The following PIGN variants were observed in gnomAD, a reference collection of about 807,000 sequenced individuals.
PIGN encodes the protein phosphatidylinositol glycan anchor biosynthesis class N.
A neutral mutation model predicts 125.4 loss-of-function variants in PIGN; 117 were observed. The ratio of observed to expected loss-of-function variants is 0.93; its 90% CI spans 0.80 to 1.09. The LOEUF (loss-of-function observed/expected upper bound fraction) is 1.09. PIGN is among the 50% of genes least tolerant of loss of function. The pLI is 0.00. For synonymous variants in PIGN, 392 were observed against 377.8 expected (o/e 1.04, Z -0.44); for missense variants, 1,075 against 1,094.9 (o/e 0.98, Z 0.26).
In PIGN at chr18:62,114,606, TA is replaced by T; in HGVS notation, c.1205del (p.Leu402Ter). 1 of 1,524,138 alleles carries T rather than the reference TA, an allele frequency of 6.6e-7. No homozygotes were observed. The highest frequency in any genetic ancestry group is 8.9e-7 in the Non-Finnish European group (1 of 1,122,424). 94.4% of individuals were successfully genotyped at this position (1,524,138 alleles called of 1,614,324 possible). A position where few individuals can be genotyped will look rare whatever the true frequency, so the allele number is the denominator to read the frequency against. Reference sequence around the variant, plus strand: ...GTTTTATATAAGATCTTGCTTTTCTTAAAATGTTGAACTGTTTGGAATCAGA... The same window carrying T: ...GTTTTATATAAGATCTTGCTTTTCTTAAATGTTGAACTGTTTGGAATCAGA... ...LLSDSKQFNI[L>X]RKARSYIKHR... On this transcript the variant is annotated frameshift_variant, in exon 15 of 31. Transcript: ENST00000640252. LOFTEE classifies it high-confidence loss of function.
At position 62,071,863 on chromosome 18, in the gene PIGN, C is replaced by CATATATATATATATATATGT. The variant is rs2032872237; in HGVS notation, c.2672+809_2672+810insACATATATATATATATATAT. On this transcript the variant is annotated intron_variant, in intron 30 of 30. Transcript: ENST00000640252. The stretch of plus-strand genomic sequence containing the variant: ...CGTTTTTTAGACTGTACTCCTTTTC[C>CATATATATATATATATATGT]ATATATATATATATATATATATATA... Among the ~76,000 whole-genome samples, 49 of 77,604 alleles carry CATATATATATATATATATGT rather than the reference C, an allele frequency of 6.3e-4. 1 individual carries two copies. Among genetic ancestry groups the CATATATATATATATATATGT allele is most frequent in the African/African-American group, 2.1e-3 (46 of 21,904 alleles). 50.9% of individuals were successfully genotyped at this position (77,604 alleles called of 152,430 possible). A position where few individuals can be genotyped will look rare whatever the true frequency, so the allele number is the denominator to read the frequency against.
At chr18:62,110,431 C>T (rs913307352) in intron 16 of PIGN, among the ~76,000 whole-genome samples, 1 of 152,046 alleles carries the variant, frequency 6.6e-6, no homozygotes, top group African/African-American at 2.4e-5. Context: ...TCTCTATTGC[C>T]CACCCAATAG....
intron 23 of PIGN, among the ~76,000 whole-genome samples, chr18:62,025,060 G>A (rs1187154333): frequency 6.6e-6 from 1 of 152,096 alleles, no homozygotes; most frequent in Non-Finnish European, 1.5e-5. Context: ...GATTGGGAAT[G>A]GATAATAAAA....
At chr18:62,110,167 T>C in intron 16 of PIGN, 194 bp from the exon 17 acceptor site, 1 of 456,682 alleles carries the variant, frequency 2.2e-6, no homozygotes. Flanking sequence ...AGGAAAAACC[T>C]AGATAACCTG....
chr18:62,055,044 C>T (rs1031309161), intron 30 of PIGN, among the ~76,000 whole-genome samples: 2 of 152,162 alleles, frequency 1.3e-5, no homozygotes, highest in Admixed American at 6.5e-5. Flanking sequence ...ATTGACAGCA[C>T]CAAATGCTGG....
At position 62,138,303 on chromosome 18, in the gene PIGN, GA is replaced by G. The variant is rs1568218111; in HGVS notation, c.1117-6del. The G allele has an allele frequency of 3.3e-6, 5 of 1,536,132 alleles. No individual in the cohort carries two copies. The South Asian group carries it at 5.0e-5, about 15-fold the overall frequency. ...TTTCTTCTGAGTCATTTTCACCTGG[GA>G]ACCAAGTATGAAAATATTACAAATG... On this transcript the variant is annotated splice_polypyrimidine_tract_variant and splice_region_variant and intron_variant, in intron 13 of 30. Coordinates refer to ENST00000640252, the MANE Select transcript of PIGN (RefSeq NM_176787.5).
Position 62,062,015 on chromosome 18 carries a change from A to G in PIGN, c.2672+10658T>C, listed in dbSNP as rs1183128221. Among the ~76,000 whole-genome samples, 3 of 152,168 alleles carry G rather than the reference A, an allele frequency of 2.0e-5. No individual in the cohort carries two copies. In the South Asian group the frequency reaches 6.2e-4, roughly 31 times the overall value. On this transcript the variant is annotated intron_variant, in intron 30 of 30. Coordinates refer to ENST00000640252, the MANE Select transcript of PIGN (RefSeq NM_176787.5). The stretch of plus-strand genomic sequence containing the variant: ...CTCCTGCCCATTAGACCAGCACCAC[A>G]TGGTTCACAGAGGCACTATATGACA...
intron 14 of PIGN, among the ~76,000 whole-genome samples, chr18:62,128,899 G>A (rs760095351): frequency 1.3e-5 from 2 of 152,072 alleles, no homozygotes; most frequent in Non-Finnish European, 2.9e-5. Flanking sequence ...AAAATAAGAA[G>A]TCATCATAAA....
chr18:62,066,904 G>A (rs2032552071), intron 30 of PIGN, among the ~76,000 whole-genome samples: 1 of 152,332 alleles, frequency 6.6e-6, no homozygotes, highest in South Asian at 2.1e-4. Context: ...AAAGGGAGGT[G>A]TGAGAGTATT....
chr18:62,072,929 T>C (rs1394449982), intron 29 of PIGN, among the ~76,000 whole-genome samples: 1 of 151,884 alleles, frequency 6.6e-6, no homozygotes, highest in African/African-American at 2.4e-5. Context: ...GAATTATCAA[T>C]CAAATGAACA....
chr18:62,110,045 T>C, intron 16 of PIGN, 72 bp from the exon 17 acceptor site: 1 of 1,435,008 alleles, frequency 7.0e-7, no homozygotes, highest in Non-Finnish European at 9.7e-7. Context: ...AGAGATTTTA[T>C]AAAGTAAAGA....
chr18:62,078,236 T>C (rs955574343), intron 28 of PIGN, among the ~76,000 whole-genome samples: 9 of 152,188 alleles, frequency 5.9e-5, no homozygotes, highest in Non-Finnish European at 1.3e-4. Flanking sequence ...GGAAGGATTC[T>C]GGAGAGTGGA....
At chr18:62,065,723 G>A (rs1479525874) in intron 30 of PIGN, among the ~76,000 whole-genome samples, 1 of 151,928 alleles carries the variant, frequency 6.6e-6, no homozygotes, top group Non-Finnish European at 1.5e-5. Context: ...GTGACAGAGC[G>A]AGACTCCGTC....
intron 30 of PIGN, among the ~76,000 whole-genome samples, chr18:62,048,633 AC>A (rs1249609745): frequency 6.2e-5 from 9 of 145,542 alleles, no homozygotes; most frequent in Admixed American, 2.1e-4. Flanking sequence ...AAAAAAAAAA[AC>A]CAAATGAATT....
At chr18:62,074,985 A>G in intron 28 of PIGN, 164 bp from the exon 29 acceptor site, 1 of 533,702 alleles carries the variant, frequency 1.9e-6, no homozygotes, top group East Asian at 3.1e-5. Flanking sequence ...GGGTGACCAT[A>G]CCATAGAGAT....
intron 1 of PIGN, among the ~76,000 whole-genome samples, chr18:62,167,902 G>C (rs182428338): frequency 6.6e-6 from 1 of 151,758 alleles, no homozygotes; most frequent in East Asian, 2.0e-4. Flanking sequence ...TTTAAATTCT[G>C]ATTAAGTTCA....
chr18:62,074,477 G>A (rs1322351475), intron 29 of PIGN, among the ~76,000 whole-genome samples: 1 of 152,040 alleles, frequency 6.6e-6, no homozygotes, highest in Non-Finnish European at 1.5e-5. Context: ...GAAAAATGAT[G>A]TATTATCTAA....
chr18:62,140,891 C>A (rs1474339743), intron 11 of PIGN, among the ~76,000 whole-genome samples: 1 of 152,092 alleles, frequency 6.6e-6, no homozygotes, highest in African/African-American at 2.4e-5. Context: ...GAGGTTTGAC[C>A]AGCCAGTGAT....
At chr18:62,111,623 G>A (rs1384909108) in intron 16 of PIGN, among the ~76,000 whole-genome samples, 1 of 152,278 alleles carries the variant, frequency 6.6e-6, no homozygotes, top group East Asian at 1.9e-4. Context: ...TAAGCTTCTT[G>A]ATGGTAGAAT....
Sources: allele counts gnomAD v4.1 joint callset (sites outside exome capture counted in the v4.1 genomes callset), GRCh38; gene constraint gnomAD v4.1.1; transcripts MANE v1.5; gene names NCBI Gene and HGNC (gene_info 2026-07-23, HGNC 2026-07-21).